AGO2: variants seen among roughly 807,000 people sequenced by gnomAD.
AGO2 encodes argonaute RISC catalytic component 2.
A neutral mutation model predicts 102.3 loss-of-function variants in AGO2; 5 were observed. The observed-to-expected ratio is 0.05, with a 90% CI of 0.03 to 0.10. The LOEUF is 0.10. AGO2 is among the 10% of genes least tolerant of loss of function. The probability of loss-of-function intolerance (pLI) is 1.00; values close to 1 mark genes in which losing one functional copy is unlikely to be tolerated. For missense variants in AGO2, 541 were observed against 1,183.7 expected, an observed-to-expected ratio of 0.46 and a Z score of 7.97; for synonymous variants, 449 against 473.1, an observed-to-expected ratio of 0.95 and a Z score of 0.66.
chr8:140,550,543 T>C (rs1287635380), intron 11 of AGO2, among the ~76,000 whole-genome samples: 1 of 152,142 alleles, frequency 6.6e-6, no homozygotes, highest in East Asian at 1.9e-4. Flanking sequence ...AACACTTCTC[T>C]CCTCTTAATC....
intron 10 of AGO2, among the ~76,000 whole-genome samples, chr8:140,553,404 G>GTTTTTTTTTT (rs1386366277): frequency 9.8e-6 from 1 of 101,704 alleles, no homozygotes; most frequent in African/African-American, 4.9e-5. Context: ...CAAGTTTTTT[G>GTTTTTTTTTT]TTTTTTGTTT....
chr8:140,580,224 G>A (rs2073534972), intron 2 of AGO2, among the ~76,000 whole-genome samples: 1 of 152,242 alleles, frequency 6.6e-6, no homozygotes, highest in African/African-American at 2.4e-5. Flanking sequence ...CACCCCGGCA[G>A]CCCCGGGAAA....
intron 17 of AGO2, 115 bp downstream of exon 17, chr8:140,535,353 G>C (rs1252274172): frequency 1.5e-5 from 17 of 1,109,046 alleles, no homozygotes; most frequent in Non-Finnish European, 2.3e-5. Flanking sequence ...GGTACTGCCT[G>C]TGTGGGCCCC....
Position 140,556,161 on chromosome 8 carries a change from A to C in AGO2, c.1146+6T>G. On this transcript the variant is annotated splice_donor_region_variant and intron_variant, in intron 9 of 18. Coordinates refer to ENST00000220592, the MANE Select transcript of AGO2 (RefSeq NM_012154.5). The stretch of plus-strand genomic sequence containing the variant: ...CAGGGCAGCCCTGCCCGGGACTGAC[A>C]CTCACCAATTTGCTAATCTCTTCTT... 1 of 1,614,154 alleles carries C rather than the reference A, an allele frequency of 6.2e-7. No homozygotes were observed. The highest frequency in any genetic ancestry group is 8.5e-7 in the Non-Finnish European group (1 of 1,180,030).
rs1588426008 is a variant in AGO2 at position 140,525,300 on chromosome 8, A to G, written c.*6744T>C. On this transcript the variant is annotated 3_prime_UTR_variant, in exon 19 of 19. Transcript: ENST00000220592. Reference sequence around the variant, plus strand: ...GGTGGATCTGCGTGCTGCAGCTCCCATGACTGAGTCGAGGGGCGAGCGGCT... The same window carrying G: ...GGTGGATCTGCGTGCTGCAGCTCCCGTGACTGAGTCGAGGGGCGAGCGGCT... The G allele has an allele frequency of 6.6e-6, 1 of 152,226 alleles. No homozygotes were observed. The highest frequency in any genetic ancestry group is 2.1e-4 in the South Asian group (1 of 4,836). 9.4% of individuals were successfully genotyped at this position (152,226 alleles called of 1,614,324 possible).
upstream of AGO2, among the ~76,000 whole-genome samples, chr8:140,640,249 ATCTG>A (rs2074432672): frequency 6.6e-6 from 1 of 152,142 alleles, no homozygotes; most frequent in Admixed American, 6.5e-5. Flanking sequence ...ACCTCAAGTG[ATCTG>A]TCTGCCTTGG....
At chr8:140,625,162 C>A (rs1563657149) in intron 1 of AGO2, among the ~76,000 whole-genome samples, 1 of 152,222 alleles carries the variant, frequency 6.6e-6, no homozygotes, top group African/African-American at 2.4e-5. Flanking sequence ...TGCACCTGGG[C>A]CCTGGCTGCA....
chr8:140,615,612 A>T (rs2074132189), intron 1 of AGO2, among the ~76,000 whole-genome samples: 1 of 152,258 alleles, frequency 6.6e-6, no homozygotes, highest in Non-Finnish European at 1.5e-5. Flanking sequence ...GACATCAGGT[A>T]GGAAATGGTG....
In AGO2 at chr8:140,557,473, A is replaced by G. The variant is rs1239184478; in HGVS notation, c.879-237T>C. On this transcript the variant is annotated intron_variant, in intron 7 of 18. Transcript: ENST00000220592. The surrounding 1 kb of genome is among the most constrained non-coding windows in gnomAD (Gnocchi z 5.9). ...AATACCTACATGCATCATTACTCAT[A>G]AATTATCCACAACGTCACAGTGTGT... Among the ~76,000 whole-genome samples, 1 of 152,184 alleles carries G rather than the reference A, an allele frequency of 6.6e-6. No homozygotes were observed. The highest frequency in any genetic ancestry group is 2.4e-5 in the African/African-American group (1 of 41,440).
chr8:140,563,704 C>T (rs1427745416), intron 3 of AGO2, among the ~76,000 whole-genome samples: 1 of 152,356 alleles, frequency 6.6e-6, no homozygotes, highest in East Asian at 1.9e-4. Flanking sequence ...CCTAGCCTGC[C>T]CAGGGCCTGC....
At chr8:140,568,989 G>A (rs968361521) in intron 3 of AGO2, among the ~76,000 whole-genome samples, 8 of 152,172 alleles carry the variant, frequency 5.3e-5, no homozygotes, top group Admixed American at 3.3e-4. Context: ...CTGCCCAAGC[G>A]GAGCCCCCCA....
At chr8:140,532,938 C>T (rs62527823) in intron 17 of AGO2, among the ~76,000 whole-genome samples, 12,198 of 149,720 alleles carry the variant, frequency 0.081, 545 homozygotes, top group African/African-American at 0.12. Context: ...GTAGAGGTTG[C>T]GGTGAGCCGA....
chr8:140,586,936 A>G (rs1043250229), intron 1 of AGO2, among the ~76,000 whole-genome samples: 2 of 152,202 alleles, frequency 1.3e-5, no homozygotes, highest in African/African-American at 4.8e-5. Flanking sequence ...CAAGGTGCTC[A>G]TGCAGTTACT....
At chr8:140,631,551 G>GA (rs1221721207) in intron 1 of AGO2, among the ~76,000 whole-genome samples, 3 of 149,986 alleles carry the variant, frequency 2.0e-5, no homozygotes, top group East Asian at 3.9e-4. Context: ...AAAAAAAAAA[G>GA]AAAAAAAAGA....
At position 140,521,487 on chromosome 8, in the gene AGO2, C is replaced by T. The variant is rs1299082256; in HGVS notation, c.*10557G>A. 6.6e-6 allele frequency: 1 copy of T among 152,150 alleles called. No individual in the cohort carries two copies. Among genetic ancestry groups the T allele is most frequent in the Non-Finnish European group, 1.5e-5 (1 of 68,016 alleles). 9.4% of individuals were successfully genotyped at this position (152,150 alleles called of 1,614,324 possible). On this transcript the variant is annotated 3_prime_UTR_variant, in exon 19 of 19. Transcript: ENST00000220592. ...CAGGAAAGATCCCTAATTTTTATTT[C>T]TTATTGGTATAAAATCAAATTCTTA...
chr8:140,609,072 G>A (rs2074041574), intron 1 of AGO2, among the ~76,000 whole-genome samples: 1 of 152,226 alleles, frequency 6.6e-6, no homozygotes, highest in Non-Finnish European at 1.5e-5. Context: ...CTGTGCCAGG[G>A]GCCTCAGCGG....
rs529257541 is a variant in AGO2 at position 140,598,706 on chromosome 8, C to T, written c.23-13395G>A. Among the ~76,000 whole-genome samples, 3 of 152,336 alleles carry T rather than the reference C, an allele frequency of 2.0e-5. No individual in the cohort carries two copies. The South Asian group carries it at 6.2e-4, about 32-fold the overall frequency. ...GGACTCTGGCCTGCTGCTTCCTCTG[C>T]CTGCCACTCCCCAACCCCGTTTCCT... is the stretch of plus-strand genomic sequence containing the variant. On this transcript the variant is annotated intron_variant, in intron 1 of 18. Transcript: ENST00000220592.
At chr8:140,565,762 G>A (rs1285707708) in intron 3 of AGO2, among the ~76,000 whole-genome samples, 1 of 152,160 alleles carries the variant, frequency 6.6e-6, no homozygotes, top group Non-Finnish European at 1.5e-5. Context: ...ACTATTAGTA[G>A]TAGTTTACGT....
rs56346948 is a variant in AGO2 at position 140,557,377 on chromosome 8, G to A, written c.879-141C>T. The A allele has an allele frequency of 6.0e-4, 639 of 1,072,430 alleles. 1 individual carries two copies. Among genetic ancestry groups the A allele is most frequent in the Non-Finnish European group, 4.4e-4 (341 of 767,950 alleles). 66.4% of individuals were successfully genotyped at this position (1,072,430 alleles called of 1,614,324 possible). On this transcript the variant is annotated intron_variant, in intron 7 of 18. Coordinates refer to ENST00000220592, the MANE Select transcript of AGO2 (RefSeq NM_012154.5). The surrounding 1 kb of genome is among the most constrained non-coding windows in gnomAD (Gnocchi z 5.9). ...CTTCCGGGAGTGAAAACCATGTCAT[G>A]TGCTTTGGGTTATCTGGAATGTTTC... is the stretch of plus-strand genomic sequence containing the variant.
Sources: allele counts gnomAD v4.1 joint callset (sites outside exome capture counted in the v4.1 genomes callset), GRCh38; gene constraint gnomAD v4.1.1; non-coding constraint Gnocchi (gnomAD v3.1); transcripts MANE v1.5; gene names NCBI Gene and HGNC (gene_info 2026-07-23, HGNC 2026-07-21).